Variants in GPATCH2 observed in about 807,000 individuals in gnomAD.
GPATCH2 encodes G-patch domain containing 2.
A neutral mutation model predicts 58.0 loss-of-function variants in GPATCH2; 51 were observed. That is an observed-to-expected ratio of 0.88 (90% confidence interval 0.70 to 1.11). The LOEUF (loss-of-function observed/expected upper bound fraction) is 1.11, where lower values mean the gene tolerates loss of function less well. Among genes scored for constraint, GPATCH2 ranks in the 50% most tolerant of loss-of-function variants. The probability of loss-of-function intolerance (pLI) is 0.00; values close to 1 mark genes in which losing one functional copy is unlikely to be tolerated. For missense variants in GPATCH2, 625 were observed against 652.2 expected, an observed-to-expected ratio of 0.96 and a Z score of 0.45; for synonymous variants, 222 against 218.5, an observed-to-expected ratio of 1.02 and a Z score of -0.14.
intron 5 of GPATCH2, among the ~76,000 whole-genome samples, chr1:217,588,825 A>G (rs1412392993): frequency 2.6e-5 from 4 of 152,194 alleles, no homozygotes; most frequent in Non-Finnish European, 4.4e-5. Flanking sequence ...CCCAAGGGAG[A>G]TAACAATTTC....
intron 3 of GPATCH2, among the ~76,000 whole-genome samples, chr1:217,612,980 C>T (rs577664606): frequency 9.9e-5 from 15 of 152,172 alleles, no homozygotes; most frequent in African/African-American, 3.6e-4. Context: ...TCATTCTAAG[C>T]CTTTCCATAC....
intron 5 of GPATCH2, among the ~76,000 whole-genome samples, chr1:217,601,889 T>C (rs1668123043): frequency 6.6e-6 from 1 of 152,186 alleles, no homozygotes; most frequent in South Asian, 2.1e-4. Context: ...ATCTAACTTG[T>C]TCATCACTAA....
intron 5 of GPATCH2, among the ~76,000 whole-genome samples, chr1:217,567,570 T>A (rs751075382): frequency 6.6e-6 from 1 of 152,244 alleles, no homozygotes; most frequent in Non-Finnish European, 1.5e-5. Context: ...ATTTGCTTTA[T>A]GAACACACAG....
intron 5 of GPATCH2, among the ~76,000 whole-genome samples, chr1:217,530,386 G>A (rs890490340): frequency 1.3e-5 from 2 of 152,190 alleles, no homozygotes; most frequent in Non-Finnish European, 2.9e-5. Context: ...AAATTAAAGA[G>A]ATCATTTGTA....
chr1:217,539,570 A>G (rs1382238672), intron 5 of GPATCH2, among the ~76,000 whole-genome samples: 1 of 152,222 alleles, frequency 6.6e-6, no homozygotes, highest in Non-Finnish European at 1.5e-5. Flanking sequence ...TAGCAGACCT[A>G]TGATAAATGG....
intron 8 of GPATCH2, among the ~76,000 whole-genome samples, chr1:217,473,628 C>A (rs1660838349): frequency 6.6e-6 from 1 of 151,000 alleles, no homozygotes; most frequent in Admixed American, 6.6e-5. Context: ...GGACAGAAAA[C>A]ACTGAAGAAA....
At chr1:217,549,605 G>C (rs1665250175) in intron 5 of GPATCH2, among the ~76,000 whole-genome samples, 1 of 150,756 alleles carries the variant, frequency 6.6e-6, no homozygotes, top group Non-Finnish European at 1.5e-5. Context: ...GAAATACTTA[G>C]AGACTCTTGT....
intron 5 of GPATCH2, among the ~76,000 whole-genome samples, chr1:217,518,373 C>T (rs1395863267): frequency 6.6e-6 from 1 of 152,168 alleles, no homozygotes; most frequent in African/African-American, 2.4e-5. Context: ...TTATCAATGA[C>T]AAAATGTCTG....
chr1:217,488,186 G>A (rs1424359954), intron 8 of GPATCH2, among the ~76,000 whole-genome samples: 1 of 152,158 alleles, frequency 6.6e-6, no homozygotes, highest in Non-Finnish European at 1.5e-5. Context: ...AATTTTGTAA[G>A]TGTTGTATGT....
At chr1:217,450,131 AC>A (rs1265895669) in intron 8 of GPATCH2, among the ~76,000 whole-genome samples, 1 of 152,144 alleles carries the variant, frequency 6.6e-6, no homozygotes, top group Non-Finnish European at 1.5e-5. Flanking sequence ...AAGTCTTCAA[AC>A]TTTTCAAGCT....
chr1:217,577,799 G>A (rs34665312), intron 5 of GPATCH2, among the ~76,000 whole-genome samples: 2,647 of 152,150 alleles, frequency 0.017, 86 homozygotes, highest in African/African-American at 0.061. Context: ...CCAGGCTGGA[G>A]TGCAATGGTG....
chr1:217,504,610 A>G (rs766891979), intron 6 of GPATCH2, among the ~76,000 whole-genome samples: 46 of 152,156 alleles, frequency 3.0e-4, no homozygotes, highest in Non-Finnish European at 5.4e-4. Context: ...ATCTCATTCA[A>G]TTCTTACAAC....
intron 5 of GPATCH2, among the ~76,000 whole-genome samples, chr1:217,574,144 G>A (rs777241795): frequency 6.6e-6 from 1 of 152,150 alleles, no homozygotes; most frequent in Non-Finnish European, 1.5e-5. Context: ...TTTCTTTGAA[G>A]GTTTCTCAAA....
At chr1:217,541,262 G>T (rs970847771) in intron 5 of GPATCH2, among the ~76,000 whole-genome samples, 1 of 152,080 alleles carries the variant, frequency 6.6e-6, no homozygotes, top group African/African-American at 2.4e-5. Flanking sequence ...TCTTCAAATT[G>T]TGACTTTATT....
chr1:217,535,749 GAATA>G (rs560061365), intron 5 of GPATCH2, among the ~76,000 whole-genome samples: 179 of 152,284 alleles, frequency 1.2e-3, no homozygotes, highest in African/African-American at 4.0e-3. Context: ...TTTGTTGAAT[GAATA>G]GACAACTGAC....
At chr1:217,467,846 G>GA in intron 8 of GPATCH2, among the ~76,000 whole-genome samples, 1 of 152,126 alleles carries the variant, frequency 6.6e-6, no homozygotes, top group Non-Finnish European at 1.5e-5. Flanking sequence ...GTCTAAGCCA[G>GA]AAAAGGTCCA....
intron 5 of GPATCH2, among the ~76,000 whole-genome samples, chr1:217,521,358 C>CAAAAAAAAAAAAAAA (rs35333815): frequency 4.9e-5 from 5 of 101,146 alleles, no homozygotes; most frequent in African/African-American, 2.2e-4. Flanking sequence ...AGGGAGACTG[C>CAAAAAAAAAAAAAAA]AAAAAAAAAA....
intron 5 of GPATCH2, among the ~76,000 whole-genome samples, chr1:217,556,683 C>T (rs1305459661): frequency 3.3e-5 from 5 of 152,104 alleles, no homozygotes; most frequent in Non-Finnish European, 7.4e-5. Flanking sequence ...TTTTTACATG[C>T]CTCCTAGCAC....
intron 5 of GPATCH2, among the ~76,000 whole-genome samples, chr1:217,523,051 A>G (rs968587607): frequency 6.6e-6 from 1 of 151,864 alleles, no homozygotes; most frequent in Non-Finnish European, 1.5e-5. Context: ...TATTGCTCCT[A>G]TGTTTGGGTG....
Sources: gnomAD v4.1 joint callset for allele counts (sites outside exome capture counted in the v4.1 genomes callset) on GRCh38, gnomAD v4.1.1 for gene constraint, MANE v1.5 for transcripts, NCBI Gene and HGNC (gene_info 2026-07-23, HGNC 2026-07-21) for gene names.